ARHGEF12: variants seen among roughly 807,000 people sequenced by gnomAD.
ARHGEF12 encodes the protein KMT2A/ARHGEF12 fusion protein.
ARHGEF12 carries 66 observed loss-of-function variants against 211.2 expected under a neutral mutation model. The observed-to-expected ratio is 0.31, with a 90% CI of 0.26 to 0.38. ARHGEF12 has a LOEUF of 0.38. Ranked by LOEUF, ARHGEF12 falls within the 10% of genes least tolerant of loss-of-function variation. The pLI is 1.00. For synonymous variants in ARHGEF12, 592 were observed against 638.4 expected, an observed-to-expected ratio of 0.93 and a Z score of 1.09; for missense variants, 1,429 against 1,869.5, an observed-to-expected ratio of 0.76 and a Z score of 4.34.
intron 6 of ARHGEF12, among the ~76,000 whole-genome samples, chr11:120,423,980 A>G (rs1429466705): frequency 1.3e-5 from 2 of 152,158 alleles, no homozygotes; most frequent in Non-Finnish European, 2.9e-5. Context: ...TTATTTTAAA[A>G]ATTATTTTTT....
chr11:120,431,837 G>T lies in ARHGEF12; in HGVS notation c.850G>T (p.Asp284Tyr), dbSNP rs1945549323. ...CCTAACAGTCAGTGAGGCAGAAACA[G>T]ATCCTGGAGATGTACTGGGCAGGAC... ...DTLTVSEAET[D>Y]PGDVLGRTDC... is the part of the protein sequence containing the mutation. Residue 284 changes from aspartate to tyrosine, a missense_variant, in exon 11 of 41, where the codon GAT becomes TAT. Asp to Tyr is a radical substitution (Grantham distance 160). Coordinates refer to ENST00000397843, the MANE Select transcript of ARHGEF12 (RefSeq NM_015313.3). 2 of 1,613,966 alleles carry T rather than the reference G, an allele frequency of 1.2e-6. No homozygotes were observed. The highest frequency in any genetic ancestry group is 2.7e-5 in the African/African-American group (2 of 74,950).
chr11:120,457,481 T>TA, intron 23 of ARHGEF12: 1 of 422,182 alleles, frequency 2.4e-6, no homozygotes. Flanking sequence ...AAAAATAAAA[T>TA]AAATAAATAA....
intron 1 of ARHGEF12, among the ~76,000 whole-genome samples, chr11:120,392,377 TG>T (rs1313123311): frequency 6.6e-6 from 1 of 152,204 alleles, no homozygotes; most frequent in Non-Finnish European, 1.5e-5. Flanking sequence ...TGAAATTCTT[TG>T]GTACAATTAT....
intron 15 of ARHGEF12, among the ~76,000 whole-genome samples, chr11:120,442,941 C>A (rs537036573): frequency 6.6e-6 from 1 of 151,760 alleles, no homozygotes; most frequent in Non-Finnish European, 1.5e-5. Flanking sequence ...TAGAAGAGAA[C>A]TTCTACCAGA....
intron 12 of ARHGEF12, chr11:120,439,194 G>A (rs908621171): frequency 6.6e-6 from 1 of 152,078 alleles, no homozygotes; most frequent in Non-Finnish European, 1.5e-5. Flanking sequence ...CTGTACTGCC[G>A]TTTTTGTGCT....
At chr11:120,376,703 T>A (rs933122136) in intron 1 of ARHGEF12, among the ~76,000 whole-genome samples, 2 of 152,162 alleles carry the variant, frequency 1.3e-5, no homozygotes, top group Non-Finnish European at 2.9e-5. Context: ...TAAATTATGG[T>A]TGACTGTAAT....
chr11:120,365,002 GTC>G (rs1943384675), intron 1 of ARHGEF12, among the ~76,000 whole-genome samples: 1 of 151,916 alleles, frequency 6.6e-6, no homozygotes, highest in South Asian at 2.1e-4. Context: ...GCCCAGGCTG[GTC>G]TCGAACTTCT....
intron 1 of ARHGEF12, among the ~76,000 whole-genome samples, chr11:120,358,969 A>G (rs1231564281): frequency 6.6e-6 from 1 of 152,042 alleles, no homozygotes; most frequent in African/African-American, 2.4e-5. Context: ...ATGCTGGTCA[A>G]GTGAGTGCTG....
intron 1 of ARHGEF12, among the ~76,000 whole-genome samples, chr11:120,380,163 C>G (rs961095423): frequency 6.6e-6 from 1 of 152,158 alleles, no homozygotes; most frequent in Non-Finnish European, 1.5e-5. Context: ...TAGACTAATC[C>G]TTAAACTTTT....
In ARHGEF12 at chr11:120,343,444, A is replaced by G. The variant is rs114490373; in HGVS notation, c.32+6169A>G. Reference sequence around the variant, plus strand: ...CAGCTTCTAACTCCAATAGAAGCCTATGAAGCTAGTGCCTGGTCAGAGGCT... The same window carrying G: ...CAGCTTCTAACTCCAATAGAAGCCTGTGAAGCTAGTGCCTGGTCAGAGGCT... On this transcript the variant is annotated intron_variant, in intron 1 of 40. Transcript: ENST00000397843. Among the ~76,000 whole-genome samples, 547 of 152,398 alleles carry G rather than the reference A, an allele frequency of 3.6e-3. 6 individuals are homozygous for G. Among genetic ancestry groups the G allele is most frequent in the African/African-American group, 0.013 (525 of 41,592 alleles).
chr11:120,475,332 A>T lies in ARHGEF12; in HGVS notation c.3110-8A>T, dbSNP rs1191680147. 6.2e-7 allele frequency: 1 copy of T among 1,612,316 alleles called. No individual in the cohort carries two copies. On this transcript the variant is annotated splice_region_variant and splice_polypyrimidine_tract_variant and intron_variant, in intron 32 of 40. Coordinates refer to ENST00000397843, the MANE Select transcript of ARHGEF12 (RefSeq NM_015313.3). The stretch of plus-strand genomic sequence containing the variant: ...ACTTACCATTTTTTTCTGCACTTTT[A>T]TTTCTAGATTTATACACGTTGCTGC...
intron 1 of ARHGEF12, among the ~76,000 whole-genome samples, chr11:120,338,965 A>G (rs542128346): frequency 6.6e-6 from 1 of 151,476 alleles, no homozygotes; most frequent in East Asian, 1.9e-4. Context: ...TAAACATTCA[A>G]TAAATATGAA....
In ARHGEF12 at chr11:120,487,096, C is replaced by T. The variant is rs1947415339; in HGVS notation, c.*2019C>T. 4.6e-6 allele frequency: 1 copy of T among 216,982 alleles called. No individual in the cohort carries two copies. The highest frequency in any genetic ancestry group is 2.3e-5 in the African/African-American group (1 of 44,396). 13.4% of individuals were successfully genotyped at this position (216,982 alleles called of 1,614,324 possible). The stretch of plus-strand genomic sequence containing the variant: ...TGTAGCCACTTGACACTAACACCAT[C>T]GAGGGCAATTAATCAGGAGAAAAGT... On this transcript the variant is annotated 3_prime_UTR_variant, in exon 41 of 41. Coordinates refer to ENST00000397843, the MANE Select transcript of ARHGEF12 (RefSeq NM_015313.3).
Position 120,481,543 on chromosome 11 carries a change from T to G in ARHGEF12, c.4521T>G (p.Ile1507Met), listed in dbSNP as rs1947237213. 3.1e-6 allele frequency: 5 copies of G among 1,614,152 alleles called. No individual in the cohort carries two copies. The highest frequency in any genetic ancestry group is 3.4e-6 in the Non-Finnish European group (4 of 1,180,034). ...ADSQSQIMEY[I>M]HKIEADLEHL... Reference sequence around the variant, plus strand: ...CACAGAGCCAGATCATGGAGTACATTCATAAGATAGAGGCTGACCTTGAAC... The same window carrying G: ...CACAGAGCCAGATCATGGAGTACATGCATAAGATAGAGGCTGACCTTGAAC... The change falls in exon 39 of 41, where the codon ATT becomes ATG. Residue 1507 changes from isoleucine (I) to methionine (M), a missense_variant. By Grantham distance (10) the Ile-to-Met change is conservative. This residue lies in a region of ARHGEF12 where 467 missense variants were observed against 468.4 expected (regional missense o/e 1.00). Transcript: ENST00000397843.
At position 120,451,734 on chromosome 11, in the gene ARHGEF12, T is replaced by G. The variant is rs771727856; in HGVS notation, c.2056+10T>G. On this transcript the variant is annotated intron_variant, in intron 22 of 40. Transcript: ENST00000397843. Reference sequence around the variant, plus strand: ...AAAGAGAATGATACAGGTGAGCTATTACTGTAGTTCAGCTTAACTAAGCAT... The same window carrying G: ...AAAGAGAATGATACAGGTGAGCTATGACTGTAGTTCAGCTTAACTAAGCAT... 2 of 1,608,280 alleles carry G rather than the reference T, an allele frequency of 1.2e-6. No individual in the cohort carries two copies. Among genetic ancestry groups the G allele is most frequent in the Non-Finnish European group, 8.5e-7 (1 of 1,175,494 alleles).
chr11:120,393,462 T>G (rs572240814), intron 1 of ARHGEF12, among the ~76,000 whole-genome samples: 35 of 152,170 alleles, frequency 2.3e-4, no homozygotes, highest in African/African-American at 7.9e-4. Context: ...TACACATTGT[T>G]TAAAAGTAAA....
intron 32 of ARHGEF12, 125 bp from the exon 33 acceptor site, chr11:120,475,215 C>G: frequency 1.2e-6 from 1 of 818,802 alleles, no homozygotes; most frequent in Non-Finnish European, 1.9e-6. Flanking sequence ...AGATAATATA[C>G]AAGTCAATTT....
chr11:120,489,801 A>G lies in ARHGEF12; in HGVS notation c.*4724A>G, dbSNP rs542747343. 3 of 188,058 alleles carry G rather than the reference A, an allele frequency of 1.6e-5. No homozygotes were observed. The highest frequency in any genetic ancestry group is 6.2e-5 in the Admixed American group (1 of 16,160). The allele number at this position is 188,058 out of a possible 1,614,324, so 11.6% of individuals were successfully genotyped here. A position where few individuals can be genotyped will look rare whatever the true frequency, so the allele number is the denominator to read the frequency against. On this transcript the variant is annotated 3_prime_UTR_variant, in exon 41 of 41. Transcript: ENST00000397843. The stretch of plus-strand genomic sequence containing the variant: ...TATGCCTGGCTTTGTTTACAAACAT[A>G]TATCTATATCTATATATATAGATAC...
At position 120,480,422 on chromosome 11, in the gene ARHGEF12, G is replaced by T. The variant is rs202128571; in HGVS notation, c.4229G>T (p.Arg1410Leu). ...VNKEEKDVNLRISGNYLILDG... is the reference protein window; with the variant it reads ...VNKEEKDVNLLISGNYLILDG... ...AAGGAAGAGAAGGATGTTAATTTACGCATCTCAGGCAAGTATCTTTCACAC... is the reference window on the plus strand; with the variant it reads ...AAGGAAGAGAAGGATGTTAATTTACTCATCTCAGGCAAGTATCTTTCACAC... Residue 1410 changes from arginine (R) to leucine (L), a missense_variant, in exon 38 of 41, where the codon CGC becomes CTC. Physicochemically the swap from Arg to Leu is moderately radical, Grantham distance 102. Around this residue, in one of 7 missense-constraint regions of ARHGEF12, gnomAD observed 467 missense variants for 468.4 expected, o/e 1.00. Coordinates refer to ENST00000397843, the MANE Select transcript of ARHGEF12 (RefSeq NM_015313.3). 48 of 1,604,744 alleles carry T rather than the reference G, an allele frequency of 3.0e-5. No homozygotes were observed. The highest frequency in any genetic ancestry group is 5.1e-5 in the Admixed American group (3 of 59,198).
Sources: allele counts gnomAD v4.1 joint callset (sites outside exome capture counted in the v4.1 genomes callset), GRCh38; gene constraint gnomAD v4.1.1; regional missense constraint gnomAD v4.1.1; transcripts MANE v1.5; gene names NCBI Gene and HGNC (gene_info 2026-07-23, HGNC 2026-07-21).